GRIK3: variants seen among roughly 807,000 people sequenced by gnomAD.
GRIK3 encodes glutamate receptor ionotropic, kainate 3.
GRIK3 carries 29 observed loss-of-function variants against 102.5 expected under a neutral mutation model. The observed-to-expected ratio is 0.28, with a 90% CI of 0.21 to 0.39. The LOEUF (loss-of-function observed/expected upper bound fraction) is 0.39. GRIK3 is among the 10% of genes least tolerant of loss of function. The probability of loss-of-function intolerance (pLI) is 1.00; values close to 1 mark genes in which losing one functional copy is unlikely to be tolerated. For synonymous variants in GRIK3, 511 were observed against 504.9 expected, an observed-to-expected ratio of 1.01 and a Z score of -0.16; for missense variants, 908 against 1,252.4, an observed-to-expected ratio of 0.73 and a Z score of 4.15.
intron 1 of GRIK3, among the ~76,000 whole-genome samples, chr1:36,956,585 A>G (rs1485459250): frequency 6.6e-6 from 1 of 150,440 alleles, no homozygotes; most frequent in Middle Eastern, 3.2e-3. Context: ...GCCATGGCCA[A>G]GCTGAATCCT....
At position 36,935,750 on chromosome 1, in the gene GRIK3, A is replaced by G. The variant is rs190689383; in HGVS notation, c.116-44654T>C. ...GACTAAAACAAACTAACTGCGAGTC[A>G]GGAAATAAAGTAGGTGAATTATTAG... On this transcript the variant is annotated intron_variant, in intron 1 of 15. Coordinates refer to ENST00000373091, the MANE Select transcript of GRIK3 (RefSeq NM_000831.4). Among the ~76,000 whole-genome samples the G allele has an allele frequency of 3.3e-5, 5 of 152,384 alleles. No homozygotes were observed. The East Asian group carries it at 9.6e-4, about 29-fold the overall frequency.
chr1:36,812,524 C>T (rs1427267857), intron 13 of GRIK3, among the ~76,000 whole-genome samples: 1 of 152,236 alleles, frequency 6.6e-6, no homozygotes, highest in East Asian at 1.9e-4. Flanking sequence ...CTTTCAAAGG[C>T]CTCTTTTTTC....
intron 2 of GRIK3, among the ~76,000 whole-genome samples, chr1:36,886,009 C>T (rs562341673): frequency 1.4e-4 from 22 of 152,214 alleles, no homozygotes; most frequent in African/African-American, 4.8e-4. Flanking sequence ...TAAGTGAAGG[C>T]GGAGGAGCCT....
intron 1 of GRIK3, among the ~76,000 whole-genome samples, chr1:36,983,582 G>A (rs1350122177): frequency 4.6e-5 from 7 of 152,012 alleles, no homozygotes; most frequent in Admixed American, 3.3e-4. Flanking sequence ...GAGAGGTCAA[G>A]GCATTTGCTC....
chr1:36,974,799 C>CAAAAA (rs60896978), intron 1 of GRIK3, among the ~76,000 whole-genome samples: 9 of 100,620 alleles, frequency 8.9e-5, no homozygotes, highest in African/African-American at 1.9e-4. Context: ...GACTCTGTCT[C>CAAAAA]AAAAAAAAAA....
intron 9 of GRIK3, among the ~76,000 whole-genome samples, chr1:36,845,251 G>A (rs1169110865): frequency 6.6e-6 from 1 of 152,126 alleles, no homozygotes; most frequent in Non-Finnish European, 1.5e-5. Flanking sequence ...AAGCTCTCTC[G>A]GCTGCTAATC....
intron 7 of GRIK3, among the ~76,000 whole-genome samples, chr1:36,856,617 G>A (rs142634391): frequency 2.2e-4 from 34 of 152,338 alleles, no homozygotes; most frequent in African/African-American, 7.9e-4. Context: ...GGGACCACAG[G>A]TACCACGGGG....
intron 8 of GRIK3, among the ~76,000 whole-genome samples, chr1:36,851,915 A>T (rs1482291019): frequency 6.6e-6 from 1 of 152,184 alleles, no homozygotes; most frequent in African/African-American, 2.4e-5. Flanking sequence ...CATATGTGCC[A>T]CCTAATTGCC....
intron 1 of GRIK3, among the ~76,000 whole-genome samples, chr1:36,968,220 C>CGTGTGT (rs66480824): frequency 3.1e-3 from 443 of 141,154 alleles, no homozygotes; most frequent in Non-Finnish European, 4.5e-3. Context: ...TCTCTCTCTC[C>CGTGTGT]GTGTGTGTGT....
At chr1:36,886,092 T>C (rs509425) in intron 2 of GRIK3, among the ~76,000 whole-genome samples, 3,109 of 152,320 alleles carry the variant, frequency 0.02, 105 homozygotes, top group East Asian at 0.11. Flanking sequence ...TCTGCGCTGC[T>C]GCTGCCTCTG....
intron 1 of GRIK3, among the ~76,000 whole-genome samples, chr1:37,028,475 T>C (rs770560060): frequency 5.3e-5 from 8 of 152,110 alleles, no homozygotes; most frequent in Non-Finnish European, 1.2e-4. Flanking sequence ...CATCCACACC[T>C]GGGCCCTGGA....
chr1:36,985,490 T>C (rs1288158739), intron 1 of GRIK3, among the ~76,000 whole-genome samples: 1 of 152,280 alleles, frequency 6.6e-6, no homozygotes, highest in South Asian at 2.1e-4. Context: ...GAGTGGGGGC[T>C]GCAAGAGCAG....
At chr1:36,946,382 CT>C in intron 1 of GRIK3, among the ~76,000 whole-genome samples, 2 of 152,354 alleles carry the variant, frequency 1.3e-5, no homozygotes, top group South Asian at 4.1e-4. Flanking sequence ...ACCACTGGAC[CT>C]TCCACAGGGA....
chr1:36,828,155 G>A (rs1264232920), intron 10 of GRIK3, among the ~76,000 whole-genome samples: 2 of 152,092 alleles, frequency 1.3e-5, no homozygotes, highest in African/African-American at 2.4e-5. Flanking sequence ...CTTCCAGTTA[G>A]TGAGCCCCTG....
At chr1:36,991,559 G>T (rs115220536) in intron 1 of GRIK3, among the ~76,000 whole-genome samples, 2 of 152,172 alleles carry the variant, frequency 1.3e-5, no homozygotes, top group African/African-American at 4.8e-5. Flanking sequence ...AATCAGGCTC[G>T]GGTGTGAAAA....
At chr1:36,847,243 T>G (rs1435639351) in intron 9 of GRIK3, among the ~76,000 whole-genome samples, 1 of 152,090 alleles carries the variant, frequency 6.6e-6, no homozygotes, top group Non-Finnish European at 1.5e-5. Context: ...AGTAGGAGAC[T>G]AGGACTATGA....
rs1372238695 is a variant in GRIK3 at position 36,815,203 on chromosome 1, T to C, written c.2091+1857A>G. 2.0e-5 allele frequency among the ~76,000 whole-genome samples: 3 copies of C among 152,202 alleles called. No individual in the cohort carries two copies. The South Asian group carries it at 6.2e-4, about 32-fold the overall frequency. On this transcript the variant is annotated intron_variant, in intron 13 of 15. Transcript: ENST00000373091. ...ACACAGCAGTGACCTCTTAGGCAAG[T>C]CAACCAACATCCCTCTTGGCAACAT...
chr1:36,941,770 G>A (rs913448048), intron 1 of GRIK3, among the ~76,000 whole-genome samples: 6 of 152,218 alleles, frequency 3.9e-5, no homozygotes, highest in African/African-American at 1.4e-4. Flanking sequence ...CACAGATGGA[G>A]AAACTGAGAT....
intron 3 of GRIK3, among the ~76,000 whole-genome samples, chr1:36,873,895 T>C (rs779864066): frequency 1.3e-5 from 2 of 152,068 alleles, no homozygotes; most frequent in Non-Finnish European, 2.9e-5. Context: ...AGGTTGTAAG[T>C]CCAGGGTCCC....
Sources: gnomAD v4.1 joint callset for allele counts (sites outside exome capture counted in the v4.1 genomes callset) on GRCh38, gnomAD v4.1.1 for gene constraint, MANE v1.5 for transcripts, NCBI Gene and HGNC (gene_info 2026-07-23, HGNC 2026-07-21) for gene names.